The following SMOC2 variants were observed in gnomAD, a reference collection of about 807,000 sequenced individuals.
SMOC2 encodes SPARC related modular calcium binding 2.
In SMOC2, 39 loss-of-function variants were observed where a neutral mutation model predicts 61.4. The ratio of observed to expected loss-of-function variants is 0.64; its 90% CI spans 0.49 to 0.83. SMOC2 has a LOEUF of 0.83. SMOC2 is among the 40% of genes least tolerant of loss of function. The pLI, the probability that SMOC2 is intolerant of heterozygous loss-of-function variation, is 0.00. For missense variants in SMOC2, 556 were observed against 592.9 expected (o/e 0.94, Z 0.65); for synonymous variants, 247 against 239.9 (o/e 1.03, Z -0.27).
chr6:168,659,136 A>G (rs556186208), intron 11 of SMOC2, among the ~76,000 whole-genome samples: 79 of 152,190 alleles, frequency 5.2e-4, no homozygotes, highest in African/African-American at 1.8e-3. Context: ...GGGCTGGATC[A>G]AGCTCTGTTA....
intron 9 of SMOC2, among the ~76,000 whole-genome samples, chr6:168,637,646 A>G (rs1786774721): frequency 6.6e-6 from 1 of 152,176 alleles, no homozygotes; most frequent in African/African-American, 2.4e-5. Flanking sequence ...GGCTTGTAAC[A>G]TTTCATAGAG....
chr6:168,528,353 G>T (rs1480335513), intron 4 of SMOC2, among the ~76,000 whole-genome samples: 1 of 143,450 alleles, frequency 7.0e-6, no homozygotes, highest in Non-Finnish European at 1.5e-5. Flanking sequence ...TGATTAATTT[G>T]TGGGGGAGAC....
chr6:168,610,256 C>A (rs981676328), intron 9 of SMOC2, among the ~76,000 whole-genome samples: 2 of 152,184 alleles, frequency 1.3e-5, no homozygotes, highest in Non-Finnish European at 2.9e-5. Flanking sequence ...TTTCCTTGCC[C>A]ACACCTCAGA....
intron 10 of SMOC2, among the ~76,000 whole-genome samples, chr6:168,652,628 G>T (rs1194490003): frequency 2.0e-5 from 3 of 152,052 alleles, no homozygotes; most frequent in Non-Finnish European, 2.9e-5. Flanking sequence ...CTGGTGTGTC[G>T]GGCGGGTATA....
At chr6:168,567,800 G>A (rs184582185) in intron 7 of SMOC2, among the ~76,000 whole-genome samples, 42 of 149,206 alleles carry the variant, frequency 2.8e-4, no homozygotes, top group African/African-American at 4.5e-4. Context: ...AATTTAGTGC[G>A]TCTTCTCTTC....
intron 8 of SMOC2, among the ~76,000 whole-genome samples, chr6:168,606,607 G>GA (rs1283894618): frequency 1.3e-5 from 2 of 152,174 alleles, no homozygotes; most frequent in African/African-American, 2.4e-5. Context: ...TGTAAGCAAT[G>GA]AAAAAAATAG....
chr6:168,639,230 C>G (rs976470379), intron 9 of SMOC2, among the ~76,000 whole-genome samples: 3 of 152,184 alleles, frequency 2.0e-5, no homozygotes, highest in Middle Eastern at 3.2e-3. Context: ...AAAGAAAATC[C>G]TTGCTTAAAG....
intron 7 of SMOC2, among the ~76,000 whole-genome samples, chr6:168,578,938 C>A (rs374634275): frequency 1.3e-5 from 2 of 152,188 alleles, no homozygotes; most frequent in Non-Finnish European, 2.9e-5. Flanking sequence ...CTCTCCTGAC[C>A]GGCATTCTGG....
chr6:168,604,954 G>A (rs916802317), intron 8 of SMOC2, among the ~76,000 whole-genome samples: 11 of 152,100 alleles, frequency 7.2e-5, no homozygotes, highest in African/African-American at 1.4e-4. Context: ...TGGCATCTTC[G>A]TCATTGTTTG....
At chr6:168,630,909 T>C (rs945268755) in intron 9 of SMOC2, among the ~76,000 whole-genome samples, 3 of 152,156 alleles carry the variant, frequency 2.0e-5, no homozygotes, top group Non-Finnish European at 2.9e-5. Context: ...GACGGTCTGC[T>C]CTCAAAACCC....
At chr6:168,555,891 C>T (rs562021333) in intron 7 of SMOC2, among the ~76,000 whole-genome samples, 6 of 152,290 alleles carry the variant, frequency 3.9e-5, no homozygotes, top group Non-Finnish European at 5.9e-5. Context: ...GAGGCAGCAC[C>T]GGGCAGTCCC....
chr6:168,472,386 T>G (rs1781984048), intron 1 of SMOC2, among the ~76,000 whole-genome samples: 1 of 152,188 alleles, frequency 6.6e-6, no homozygotes, highest in Non-Finnish European at 1.5e-5. Flanking sequence ...CTGGCACTTC[T>G]ACTCTATTCT....
At chr6:168,481,832 A>G (rs1016319569) in intron 1 of SMOC2, among the ~76,000 whole-genome samples, 7 of 151,990 alleles carry the variant, frequency 4.6e-5, no homozygotes, top group Admixed American at 2.0e-4. Context: ...GAAAGAATGG[A>G]AAAAGATTCC....
chr6:168,613,126 A>G (rs9295075), intron 9 of SMOC2, among the ~76,000 whole-genome samples: 136,624 of 152,212 alleles, frequency 0.9, 61,403 homozygotes, highest in Middle Eastern at 0.98. Context: ...GAACGCTCAC[A>G]TTTTCGTCAT....
At chr6:168,641,187 A>T (rs117546830) in intron 9 of SMOC2, among the ~76,000 whole-genome samples, 244 of 152,288 alleles carry the variant, frequency 1.6e-3, no homozygotes, top group Non-Finnish European at 3.1e-3. Flanking sequence ...CAAAATACTG[A>T]TTGCACAGAA....
At chr6:168,558,926 C>T (rs537508759) in intron 7 of SMOC2, among the ~76,000 whole-genome samples, 16 of 151,324 alleles carry the variant, frequency 1.1e-4, no homozygotes, top group Admixed American at 2.6e-4. Context: ...TGTGCTTGTG[C>T]GCACGTGTGT....
chr6:168,533,967 AG>A (rs1270161695), intron 4 of SMOC2, among the ~76,000 whole-genome samples: 2 of 152,180 alleles, frequency 1.3e-5, no homozygotes, highest in Admixed American at 1.3e-4. Flanking sequence ...ACTTGTAGGC[AG>A]GGAGTGGTGG....
chr6:168,624,442 T>C lies in SMOC2; in HGVS notation c.907+16203T>C, dbSNP rs143821623. 2.2e-4 allele frequency among the ~76,000 whole-genome samples: 34 copies of C among 152,310 alleles called. No individual in the cohort carries two copies. The East Asian group carries it at 6.0e-3, about 27-fold the overall frequency. On this transcript the variant is annotated intron_variant, in intron 9 of 12. Transcript: ENST00000356284. ...GTGGAGTACCTTCTGCAATCTATTATTGAAGGAACTAGAAGAGAATTGTTA... is the reference window on the plus strand; with the variant it reads ...GTGGAGTACCTTCTGCAATCTATTACTGAAGGAACTAGAAGAGAATTGTTA...
At position 168,599,179 on chromosome 6, in the gene SMOC2, ACC is replaced by A. The variant is rs1373587519; in HGVS notation, c.824+177_824+178del. 4.1e-4 allele frequency among the ~76,000 whole-genome samples: 43 copies of A among 103,946 alleles called. No homozygotes were observed. In the East Asian group the frequency reaches 0.014, roughly 34 times the overall value. 68.2% of individuals were successfully genotyped at this position (103,946 alleles called of 152,430 possible). A position where few individuals can be genotyped will look rare whatever the true frequency, so the allele number is the denominator to read the frequency against. ...CACACACACCCACGCTCTCACACAC[ACC>A]CACACACACTCATACCACACACACA... is the stretch of plus-strand genomic sequence containing the variant. On this transcript the variant is annotated intron_variant, in intron 8 of 12. Transcript: ENST00000356284.
Sources: gnomAD v4.1 joint callset for allele counts (sites outside exome capture counted in the v4.1 genomes callset) on GRCh38, gnomAD v4.1.1 for gene constraint, MANE v1.5 for transcripts, NCBI Gene and HGNC (gene_info 2026-07-23, HGNC 2026-07-21) for gene names.